The following LZTS1 variants were observed in gnomAD, a reference collection of about 807,000 sequenced individuals.
The protein encoded by LZTS1 is leucine zipper putative tumor suppressor 1.
Under a neutral mutation model 45.8 loss-of-function variants are expected in LZTS1, and 31 were observed. The ratio of observed to expected loss-of-function variants is 0.68; its 90% CI spans 0.51 to 0.91. The LOEUF (loss-of-function observed/expected upper bound fraction) is 0.91, where lower values mean the gene tolerates loss of function less well. LZTS1 is among the 40% of genes least tolerant of loss of function. LZTS1 has a pLI of 0.00. For synonymous variants in LZTS1, 359 were observed against 357.3 expected (o/e 1.00, Z -0.05); for missense variants, 821 against 788.9 (o/e 1.04, Z -0.49).
At chr8:20,256,348 G>C (rs960074432) in intron 1 of LZTS1, among the ~76,000 whole-genome samples, 1 of 152,204 alleles carries the variant, frequency 6.6e-6, no homozygotes, top group Non-Finnish European at 1.5e-5. Flanking sequence ...GAGACAAGGA[G>C]CCCCTGGATG....
Position 20,249,752 on chromosome 8 carries a change from G to T in LZTS1, c.1761C>A (p.Pro587=). ...LEVDLEGADI[P]YEDIIATEI is the part of the protein sequence containing the mutation. ...TCTCAGTGGCTATGATGTCCTCGTA[G>T]GGGATGTCAGCCCCTTCCAGGTCAA... Residue 587 remains proline, a synonymous_variant, in exon 4 of 4, where the codon CCC becomes CCA. Coordinates refer to ENST00000381569, the MANE Select transcript of LZTS1 (RefSeq NM_021020.5). 6.2e-7 allele frequency: 1 copy of T among 1,611,240 alleles called. No individual in the cohort carries two copies. Among genetic ancestry groups the T allele is most frequent in the East Asian group, 2.2e-5 (1 of 44,840 alleles).
In LZTS1 at chr8:20,254,508, C is replaced by T. The variant is rs965751735; in HGVS notation, c.345+329G>A. ...TGAGAACAGGGCTCCCTCTCCTTCCCGAGGCTTGGCAAACGCCTGGATCCT... is the reference window on the plus strand; with the variant it reads ...TGAGAACAGGGCTCCCTCTCCTTCCTGAGGCTTGGCAAACGCCTGGATCCT... On this transcript the variant is annotated intron_variant, in intron 2 of 3. Coordinates refer to ENST00000381569, the MANE Select transcript of LZTS1 (RefSeq NM_021020.5). 6.6e-5 allele frequency among the ~76,000 whole-genome samples: 10 copies of T among 152,330 alleles called. No individual in the cohort carries two copies. The East Asian group carries it at 1.2e-3, about 18-fold the overall frequency.
chr8:20,266,601 CA>C (rs5889904), intron 1 of LZTS1, among the ~76,000 whole-genome samples: 14 of 146,774 alleles, frequency 9.5e-5, no homozygotes, highest in African/African-American at 1.3e-4. Context: ...TGGACCAAGA[CA>C]AAAAAAAAAT....
At chr8:20,266,027 T>C (rs1188918794) in intron 1 of LZTS1, among the ~76,000 whole-genome samples, 1 of 151,514 alleles carries the variant, frequency 6.6e-6, no homozygotes, top group Non-Finnish European at 1.5e-5. Context: ...CTCAACAATT[T>C]TTTTTTTTTT....
At chr8:20,300,890 C>G (rs1185584308) in intron 1 of LZTS1, among the ~76,000 whole-genome samples, 2 of 152,000 alleles carry the variant, frequency 1.3e-5, no homozygotes, top group Non-Finnish European at 2.9e-5. Context: ...GAGGCTGAGG[C>G]CAGCAGATCA....
chr8:20,294,005 A>G (rs1235783545), intron 1 of LZTS1, among the ~76,000 whole-genome samples: 1 of 152,228 alleles, frequency 6.6e-6, no homozygotes, highest in Non-Finnish European at 1.5e-5. Flanking sequence ...GGTGTGAAAT[A>G]AAAGTTCTTG....
At chr8:20,263,218 T>C (rs996080300) in intron 1 of LZTS1, among the ~76,000 whole-genome samples, 1 of 152,100 alleles carries the variant, frequency 6.6e-6, no homozygotes, top group Non-Finnish European at 1.5e-5. Context: ...CGCCTTGAAC[T>C]TGGAAGCAGG....
chr8:20,253,594 GA>G lies in LZTS1; in HGVS notation c.346-10del, dbSNP rs1563857164. On this transcript the variant is annotated splice_polypyrimidine_tract_variant and intron_variant, in intron 2 of 3. Coordinates refer to ENST00000381569, the MANE Select transcript of LZTS1 (RefSeq NM_021020.5). Reference sequence around the variant, plus strand: ...GCACCCTTCTCGGAGCCCTGTAGAGGAAAAGGACCGCGGTGACTCATGCCTC... The same window carrying G: ...GCACCCTTCTCGGAGCCCTGTAGAGGAAAGGACCGCGGTGACTCATGCCTC... 1.4e-6 allele frequency: 2 copies of G among 1,442,090 alleles called. No homozygotes were observed. The highest frequency in any genetic ancestry group is 1.8e-6 in the Non-Finnish European group (2 of 1,099,868). 89.3% of individuals were successfully genotyped at this position (1,442,090 alleles called of 1,614,324 possible).
At chr8:20,274,926 T>C (rs1036048444) in intron 1 of LZTS1, among the ~76,000 whole-genome samples, 1 of 149,632 alleles carries the variant, frequency 6.7e-6, no homozygotes, top group African/African-American at 2.6e-5. Flanking sequence ...TGGAGCGCTG[T>C]GATCAAAAAC....
intron 1 of LZTS1, among the ~76,000 whole-genome samples, chr8:20,274,961 C>CTCTGTGTGTGTG (rs1457995042): frequency 3.2e-5 from 4 of 125,628 alleles, no homozygotes; most frequent in Non-Finnish European, 7.5e-5. Flanking sequence ...TGCCATGATA[C>CTCTGTGTGTGTG]TGTGTGTGTG....
In LZTS1 at chr8:20,253,220, G is replaced by A. The variant is rs577400388; in HGVS notation, c.711C>T (p.Ser237=). The change falls in exon 3 of 4, where the codon AGC becomes AGT. Residue 237 remains serine, a synonymous_variant. Coordinates refer to ENST00000381569, the MANE Select transcript of LZTS1 (RefSeq NM_021020.5). ...LKALSFSDGG[S]KLGHSNKADK... ...CTGCCTTGTTCGAGTGGCCCAGCTT[G>A]CTACCTCCGTCGGAGAAGGACAGAG... 6.2e-7 allele frequency: 1 copy of A among 1,613,890 alleles called. No individual in the cohort carries two copies. Among genetic ancestry groups the A allele is most frequent in the South Asian group, 1.1e-5 (1 of 91,088 alleles).
chr8:20,294,398 G>A lies in LZTS1; in HGVS notation c.-135+9342C>T, dbSNP rs147925783. 3.7e-3 allele frequency among the ~76,000 whole-genome samples: 563 copies of A among 152,368 alleles called. 3 individuals are homozygous for A. Among genetic ancestry groups the A allele is most frequent in the South Asian group, 9.1e-3 (44 of 4,830 alleles). ...GCCGGCTGCACAGCCTTTGAGCAGG[G>A]CCAGCTGCGGGCCTGGCAAGGGGAG... On this transcript the variant is annotated intron_variant, in intron 1 of 3. Coordinates refer to ENST00000381569, the MANE Select transcript of LZTS1 (RefSeq NM_021020.5).
At chr8:20,252,725 G>C (rs895050928) in intron 3 of LZTS1, 57 bp downstream of exon 3, 3 of 1,429,382 alleles carry the variant, frequency 2.1e-6, no homozygotes, top group Admixed American at 2.3e-5. Context: ...GAAGGAGAGG[G>C]GGGTACTGGC....
At chr8:20,275,570 A>C (rs911759486) in intron 1 of LZTS1, among the ~76,000 whole-genome samples, 1 of 151,992 alleles carries the variant, frequency 6.6e-6, no homozygotes, top group African/African-American at 2.4e-5. Flanking sequence ...GGAATCCTAA[A>C]GGGTAAGGGG....
At chr8:20,297,508 G>A (rs551149221) in intron 1 of LZTS1, among the ~76,000 whole-genome samples, 8 of 152,256 alleles carry the variant, frequency 5.3e-5, no homozygotes, top group Non-Finnish European at 7.4e-5. Context: ...TCCGCCTCCC[G>A]GGTTCAAGCA....
chr8:20,300,137 C>A (rs1801049779), intron 1 of LZTS1, among the ~76,000 whole-genome samples: 1 of 152,092 alleles, frequency 6.6e-6, no homozygotes, highest in Non-Finnish European at 1.5e-5. Flanking sequence ...TAGGGAGAGG[C>A]CTTGAAGGAG....
chr8:20,270,453 A>T (rs1338069305), intron 1 of LZTS1, among the ~76,000 whole-genome samples: 1 of 152,214 alleles, frequency 6.6e-6, no homozygotes, highest in Non-Finnish European at 1.5e-5. Context: ...GCAGGTGATA[A>T]GTGCTGTCTT....
At position 20,253,533 on chromosome 8, in the gene LZTS1, C is replaced by A; in HGVS notation, c.398G>T (p.Arg133Leu). The A allele has an allele frequency of 6.5e-7, 1 of 1,527,498 alleles. No individual in the cohort carries two copies. The highest frequency in any genetic ancestry group is 8.8e-7 in the Non-Finnish European group (1 of 1,138,880). The allele number at this position is 1,527,498 out of a possible 1,614,324, so 94.6% of individuals were successfully genotyped here. ...GGAGGAGTGCAGGATGGCTCCTGAC[C>A]GTGGCAGCACAGGCTTGAAGGCTGT... Reference protein sequence around the residue: ...RPTAFKPVLPRSGAILHSSPE... With the variant: ...RPTAFKPVLPLSGAILHSSPE... Residue 133 changes from arginine (R) to leucine (L), a missense_variant, in exon 3 of 4, where the codon CGG becomes CTG. Arg to Leu is a moderately radical substitution (Grantham distance 102, BLOSUM62 -2). Coordinates refer to ENST00000381569, the MANE Select transcript of LZTS1 (RefSeq NM_021020.5).
At chr8:20,280,625 A>G (rs1027394314) in intron 1 of LZTS1, among the ~76,000 whole-genome samples, 1 of 152,158 alleles carries the variant, frequency 6.6e-6, no homozygotes, top group Non-Finnish European at 1.5e-5. Flanking sequence ...TGGGGAGTCG[A>G]TTGCGCTAAT....
Sources: gnomAD v4.1 joint callset for allele counts (sites outside exome capture counted in the v4.1 genomes callset) on GRCh38, gnomAD v4.1.1 for gene constraint, MANE v1.5 for transcripts, NCBI Gene and HGNC (gene_info 2026-07-23, HGNC 2026-07-21) for gene names.